Variants in FRY observed in about 807,000 individuals in gnomAD.
FRY encodes protein furry homolog.
FRY carries 128 observed loss-of-function variants against 348.4 expected under a neutral mutation model. The ratio of observed to expected loss-of-function variants is 0.37; its 90% CI spans 0.32 to 0.43. The LOEUF (loss-of-function observed/expected upper bound fraction) is 0.43. Ranked by LOEUF, FRY falls within the 20% of genes least tolerant of loss-of-function variation. FRY has a pLI of 1.00. For missense variants in FRY, 2,736 were observed against 3,695.2 expected (o/e 0.74, Z 6.73); for synonymous variants, 1,370 against 1,374.7 (o/e 1.00, Z 0.08).
chr13:32,216,005 T>A (rs952860637), intron 35 of FRY, among the ~76,000 whole-genome samples: 1 of 152,248 alleles, frequency 6.6e-6, no homozygotes, highest in African/African-American at 2.4e-5. Flanking sequence ...GAAACAGAGA[T>A]AATTTCTATC....
chr13:32,099,361 CACAT>C (rs1392308218), intron 2 of FRY, among the ~76,000 whole-genome samples: 2 of 151,592 alleles, frequency 1.3e-5, no homozygotes, highest in Non-Finnish European at 2.9e-5. Context: ...CACACACTAA[CACAT>C]ACACACACAC....
At chr13:32,134,683 A>G (rs539554640) in intron 8 of FRY, among the ~76,000 whole-genome samples, 1 of 152,260 alleles carries the variant, frequency 6.6e-6, no homozygotes, top group African/African-American at 2.4e-5. Context: ...GAATTGAAAT[A>G]TAAGAGTGAA....
In FRY at chr13:32,275,116, A is replaced by C. The variant is rs565974552; in HGVS notation, c.8286+125A>C. The C allele has an allele frequency of 6.1e-4, 506 of 828,262 alleles. 1 individual carries two copies. Among genetic ancestry groups the C allele is most frequent in the Middle Eastern group, 8.9e-4 (4 of 4,500 alleles). The allele number at this position is 828,262 out of a possible 1,614,324, so 51.3% of individuals were successfully genotyped here. A position where few individuals can be genotyped will look rare whatever the true frequency, so the allele number is the denominator to read the frequency against. On this transcript the variant is annotated intron_variant, in intron 56 of 60. Coordinates refer to ENST00000542859, the MANE Select transcript of FRY (RefSeq NM_023037.3). Reference sequence around the variant, plus strand: ...CCTTCTGGCCGGGTGCGGTGGCTCAAGCCTGTAATCCCAGCACTTTGGGAG... The same window carrying C: ...CCTTCTGGCCGGGTGCGGTGGCTCACGCCTGTAATCCCAGCACTTTGGGAG...
chr13:32,224,944 C>A lies in FRY; in HGVS notation c.4928C>A (p.Ala1643Asp). 6.3e-7 allele frequency: 1 copy of A among 1,597,326 alleles called. No individual in the cohort carries two copies. The highest frequency in any genetic ancestry group is 8.6e-7 in the Non-Finnish European group (1 of 1,164,630). Reference protein sequence around the residue: ...PRGPLHRCNIAVIFMTEMVVD... With the variant: ...PRGPLHRCNIDVIFMTEMVVD... Reference sequence around the variant, plus strand: ...ATTTCATTGATTAGGTGCAATATTGCTGTAATTTTTATGACTGAAATGGTG... The same window carrying A: ...ATTTCATTGATTAGGTGCAATATTGATGTAATTTTTATGACTGAAATGGTG... Residue 1643 changes from alanine to aspartate, a missense_variant, in exon 38 of 61, where the codon GCT becomes GAT. Ala to Asp is a moderately radical substitution (Grantham distance 126). Around this residue, in one of 9 missense-constraint regions of FRY, gnomAD observed 794 missense variants for 977.0 expected, o/e 0.81. Transcript: ENST00000542859.
In FRY at chr13:32,295,003, T is replaced by G. The variant is rs570059415; in HGVS notation, c.8784-199T>G. 2.0e-5 allele frequency among the ~76,000 whole-genome samples: 3 copies of G among 152,322 alleles called. No individual in the cohort carries two copies. The South Asian group carries it at 6.2e-4, about 32-fold the overall frequency. On this transcript the variant is annotated intron_variant, in intron 60 of 60. Transcript: ENST00000542859. The stretch of plus-strand genomic sequence containing the variant: ...ACCAAAATAATATTCTAAAATTGAT[T>G]ATGGTGATGTTTGCACAACTCTGAA...
chr13:32,119,977 GTCT>G (rs939826042), intron 4 of FRY, among the ~76,000 whole-genome samples: 44 of 152,210 alleles, frequency 2.9e-4, no homozygotes, highest in African/African-American at 9.6e-4. Flanking sequence ...ACTCCAGAAG[GTCT>G]TCTTTATATC....
chr13:32,213,410 G>A (rs948755426), intron 35 of FRY, among the ~76,000 whole-genome samples: 53 of 152,152 alleles, frequency 3.5e-4, no homozygotes, highest in African/African-American at 1.1e-3. Context: ...TCATCCATAC[G>A]GGCTTCCCTT....
At chr13:32,078,785 A>G (rs751617903) in intron 1 of FRY, 49 bp from the exon 2 acceptor site, 1 of 1,314,400 alleles carries the variant, frequency 7.6e-7, no homozygotes, top group Non-Finnish European at 1.1e-6. Flanking sequence ...CCATCTGAAT[A>G]TTTATGACAT....
chr13:32,036,691 T>G (rs1460299639), intron 1 of FRY, among the ~76,000 whole-genome samples: 2 of 151,690 alleles, frequency 1.3e-5, no homozygotes, highest in African/African-American at 4.8e-5. Context: ...CCACTCTGTT[T>G]ATTATCTTCA....
chr13:32,229,903 C>T (rs1885815065), intron 40 of FRY, among the ~76,000 whole-genome samples: 1 of 152,142 alleles, frequency 6.6e-6, no homozygotes, highest in South Asian at 2.1e-4. Context: ...ATGCCAAGCA[C>T]TGTTCTGGTG....
intron 34 of FRY, among the ~76,000 whole-genome samples, chr13:32,211,351 C>T (rs1024131007): frequency 5.9e-5 from 9 of 152,192 alleles, no homozygotes; most frequent in African/African-American, 2.2e-4. Flanking sequence ...CCCAGCTCCT[C>T]AGGAGGCTGC....
intron 34 of FRY, 141 bp downstream of exon 34, chr13:32,211,175 T>C: frequency 1.2e-6 from 1 of 816,936 alleles, no homozygotes; most frequent in Non-Finnish European, 2.0e-6. Flanking sequence ...GGCTTAAGAA[T>C]AACTGAGACA....
chr13:32,225,272 T>C (rs950016014), intron 38 of FRY, among the ~76,000 whole-genome samples: 4 of 152,236 alleles, frequency 2.6e-5, no homozygotes, highest in Non-Finnish European at 1.5e-5. Flanking sequence ...TAGTGCCACA[T>C]CTACAAATAT....
chr13:32,117,202 T>C (rs1171283631), intron 3 of FRY, 132 bp from the exon 4 acceptor site: 6 of 792,916 alleles, frequency 7.6e-6, no homozygotes, highest in African/African-American at 1.7e-5. Flanking sequence ...TAATAAAGAT[T>C]ATGAAAGAAA....
At chr13:32,077,787 C>T (rs1053839333) in intron 1 of FRY, among the ~76,000 whole-genome samples, 2 of 152,066 alleles carry the variant, frequency 1.3e-5, no homozygotes, top group African/African-American at 2.4e-5. Flanking sequence ...CTCTTGATGT[C>T]GCATCCAGTG....
intron 35 of FRY, among the ~76,000 whole-genome samples, chr13:32,213,793 G>A (rs551824148): frequency 6.6e-6 from 1 of 152,296 alleles, no homozygotes; most frequent in African/African-American, 2.4e-5. Flanking sequence ...CCTGTTTAGG[G>A]CCAGAGTTCT....
chr13:32,264,200 A>C (rs1351997093), intron 53 of FRY, among the ~76,000 whole-genome samples: 1 of 152,210 alleles, frequency 6.6e-6, no homozygotes, highest in Non-Finnish European at 1.5e-5. Context: ...GTGTATGTAC[A>C]CTAATAACCT....
rs148181468 is a variant in FRY at position 32,155,004 on chromosome 13, G to A, written c.1480-487G>A. On this transcript the variant is annotated intron_variant, in intron 14 of 60. Transcript: ENST00000542859. ...TTTAAAATTTCTTCTCAAACTTGCT[G>A]GCCTTTGTAAATCAGAAGTCAGGAC... Among the ~76,000 whole-genome samples, 88 of 152,288 alleles carry A rather than the reference G, an allele frequency of 5.8e-4. 1 individual carries two copies. In the East Asian group the frequency reaches 0.015, roughly 25 times the overall value.
At chr13:32,224,731 T>C (rs984169542) in intron 37 of FRY, among the ~76,000 whole-genome samples, 3 of 152,218 alleles carry the variant, frequency 2.0e-5, no homozygotes, top group African/African-American at 7.2e-5. Flanking sequence ...TAGACTCTCC[T>C]TTATGTGATT....
Sources: allele counts gnomAD v4.1 joint callset (sites outside exome capture counted in the v4.1 genomes callset), GRCh38; gene constraint gnomAD v4.1.1; regional missense constraint gnomAD v4.1.1; transcripts MANE v1.5; gene names NCBI Gene and HGNC (gene_info 2026-07-23, HGNC 2026-07-21).